RGS6: variants seen among roughly 807,000 people sequenced by gnomAD.
The protein encoded by RGS6 is regulator of G protein signaling 6.
In RGS6, 30 loss-of-function variants were observed where a neutral mutation model predicts 78.5. That is an observed-to-expected ratio of 0.38 (90% CI 0.29 to 0.52). The LOEUF is 0.52. RGS6 is among the 20% of genes least tolerant of loss of function. The pLI is 0.85. For synonymous variants in RGS6, 206 were observed against 206.0 expected (o/e 1.00, Z 0.00); for missense variants, 495 against 609.7 (o/e 0.81, Z 1.98).
At chr14:72,406,170 A>G (rs1420791785) in intron 3 of RGS6, among the ~76,000 whole-genome samples, 1 of 152,168 alleles carries the variant, frequency 6.6e-6, no homozygotes, top group Non-Finnish European at 1.5e-5. Context: ...GCAGATCATG[A>G]GGTCAGGAGA....
rs1168084314 is a variant in RGS6, at chr14:72,562,923, C to T, written c.*456C>T. The T allele has an allele frequency of 3.5e-5, 24 of 677,358 alleles. No homozygotes were observed. The highest frequency in any genetic ancestry group is 5.2e-5 in the South Asian group (3 of 57,692). 42.0% of individuals were successfully genotyped at this position (677,358 alleles called of 1,614,324 possible). A position where few individuals can be genotyped will look rare whatever the true frequency, so the allele number is the denominator to read the frequency against. On this transcript the variant is annotated 3_prime_UTR_variant, in exon 18 of 18. Coordinates refer to ENST00000553525, the MANE Select transcript of RGS6 (RefSeq NM_001204424.2). ...CAGCATTTGCATCACCTCCCTGGCA[C>T]CTCCCATAGTTACAGCCACTACATC... is the stretch of plus-strand genomic sequence containing the variant.
Position 72,224,689 on chromosome 14 carries a change from G to A in RGS6, c.85-127406G>A, listed in dbSNP as rs537181693. On this transcript the variant is annotated intron_variant, in intron 2 of 17. Coordinates refer to ENST00000553525, the MANE Select transcript of RGS6 (RefSeq NM_001204424.2). The stretch of plus-strand genomic sequence containing the variant: ...ACACTTTGTGAATCTGATGAAAGGC[G>A]TGGAACTTGATTCCCACAAATGTGT... Among the ~76,000 whole-genome samples, 9 of 152,244 alleles carry A rather than the reference G, an allele frequency of 5.9e-5. No homozygotes were observed. The East Asian group carries it at 9.6e-4, about 16-fold the overall frequency.
chr14:72,431,226 C>G (rs2094618870), intron 3 of RGS6, among the ~76,000 whole-genome samples: 1 of 152,182 alleles, frequency 6.6e-6, no homozygotes, highest in South Asian at 2.1e-4. Flanking sequence ...TCAATATGGA[C>G]TGTAACCACC....
At chr14:72,111,997 T>C (rs1410606300) in intron 2 of RGS6, among the ~76,000 whole-genome samples, 1 of 152,206 alleles carries the variant, frequency 6.6e-6, no homozygotes, top group East Asian at 1.9e-4. Context: ...ACAGTGCAAT[T>C]TGGCTCTTTG....
chr14:72,044,000 T>C (rs2092641906), intron 2 of RGS6, among the ~76,000 whole-genome samples: 1 of 152,176 alleles, frequency 6.6e-6, no homozygotes, highest in Non-Finnish European at 1.5e-5. Context: ...TCCCACTCTG[T>C]TTTCTTCTCT....
intron 2 of RGS6, among the ~76,000 whole-genome samples, chr14:72,245,362 G>C (rs1402168337): frequency 6.6e-6 from 1 of 152,182 alleles, no homozygotes; most frequent in African/African-American, 2.4e-5. Flanking sequence ...TCAGAGCTGA[G>C]AGCCCCAAAC....
At chr14:72,051,090 T>G (rs1167492341) in intron 2 of RGS6, among the ~76,000 whole-genome samples, 1 of 152,198 alleles carries the variant, frequency 6.6e-6, no homozygotes, top group Admixed American at 6.5e-5. Context: ...AAACTTTGAT[T>G]AACAATTATA....
the RGS6 span, among the ~76,000 whole-genome samples, chr14:72,590,395 C>T: frequency 1.1e-4 from 16 of 152,178 alleles, no homozygotes; most frequent in East Asian, 2.3e-3. Context: ...AAATGTTCAC[C>T]GACAGGTGAA....
intron 2 of RGS6, among the ~76,000 whole-genome samples, chr14:72,130,089 G>C (rs1283787690): frequency 2.0e-5 from 3 of 152,124 alleles, no homozygotes; most frequent in Admixed American, 1.3e-4. Context: ...GAACCCCCAG[G>C]TTTGGCAATT....
chr14:72,090,149 T>C (rs554821619), intron 2 of RGS6, among the ~76,000 whole-genome samples: 1 of 149,076 alleles, frequency 6.7e-6, no homozygotes, highest in Admixed American at 6.6e-5. Context: ...CAACAGTGGC[T>C]AAACACAAAA....
intron 2 of RGS6, among the ~76,000 whole-genome samples, chr14:72,165,995 A>G (rs1246494690): frequency 7.2e-5 from 11 of 152,258 alleles, no homozygotes. Context: ...AGATTCTAAG[A>G]TATCTTAGAG....
At chr14:72,523,881 G>A (rs572309731) in intron 15 of RGS6, among the ~76,000 whole-genome samples, 2 of 152,142 alleles carry the variant, frequency 1.3e-5, no homozygotes, top group East Asian at 3.9e-4. Flanking sequence ...TTAATTCTCT[G>A]TTCCCAACCA....
At chr14:72,343,131 G>T (rs1343113920) in intron 2 of RGS6, among the ~76,000 whole-genome samples, 1 of 152,170 alleles carries the variant, frequency 6.6e-6, no homozygotes, top group African/African-American at 2.4e-5. Context: ...TACACTTAAT[G>T]GTTTAGAACA....
chr14:72,147,006 A>C lies in RGS6; in HGVS notation c.84+182131A>C, dbSNP rs528151499. 2.6e-5 allele frequency among the ~76,000 whole-genome samples: 4 copies of C among 152,306 alleles called. No individual in the cohort carries two copies. The South Asian group carries it at 8.3e-4, about 32-fold the overall frequency. On this transcript the variant is annotated intron_variant, in intron 2 of 17. Coordinates refer to ENST00000553525, the MANE Select transcript of RGS6 (RefSeq NM_001204424.2). ...AAGGATGGCCTTTACTCCAGTTTCC[A>C]ATACACTGTTCCTCAGATCCATCTG... is the stretch of plus-strand genomic sequence containing the variant.
intron 2 of RGS6, among the ~76,000 whole-genome samples, chr14:72,110,712 A>G (rs2095740206): frequency 6.6e-6 from 1 of 152,236 alleles, no homozygotes; most frequent in African/African-American, 2.4e-5. Flanking sequence ...GTAAGGCTGT[A>G]GAATGAGCAA....
chr14:71,921,738 G>A, the RGS6 span, among the ~76,000 whole-genome samples: 1 of 152,194 alleles, frequency 6.6e-6, no homozygotes, highest in Non-Finnish European at 1.5e-5. Context: ...ATTGGTTAAA[G>A]GATACAAAGT....
intron 3 of RGS6, among the ~76,000 whole-genome samples, chr14:72,431,919 C>A (rs2094663613): frequency 6.6e-6 from 1 of 152,056 alleles, no homozygotes; most frequent in South Asian, 2.1e-4. Context: ...TTGGGATTTT[C>A]TCATTTTGAA....
intron 2 of RGS6, among the ~76,000 whole-genome samples, chr14:72,232,908 A>T (rs1387394757): frequency 1.3e-5 from 2 of 152,198 alleles, no homozygotes; most frequent in African/African-American, 4.8e-5. Context: ...GCGTGCATGC[A>T]GCCTGTACGC....
At chr14:72,397,704 A>G (rs903738896) in intron 3 of RGS6, among the ~76,000 whole-genome samples, 1 of 152,164 alleles carries the variant, frequency 6.6e-6, no homozygotes, top group Non-Finnish European at 1.5e-5. Flanking sequence ...CATAGCTCTT[A>G]TTATTTTGAG....
Sources: gnomAD v4.1 joint callset for allele counts (sites outside exome capture counted in the v4.1 genomes callset) on GRCh38, gnomAD v4.1.1 for gene constraint, MANE v1.5 for transcripts, NCBI Gene and HGNC (gene_info 2026-07-23, HGNC 2026-07-21) for gene names.